The following CLVS1 variants were observed in gnomAD, a reference collection of about 807,000 sequenced individuals.
CLVS1 encodes the protein clavesin 1, also known as clavesin-1.
In CLVS1, 10 loss-of-function variants were observed where a neutral mutation model predicts 33.1. That is an observed-to-expected ratio of 0.30 (90% confidence interval 0.19 to 0.51). CLVS1 has a LOEUF of 0.51. Ranked by LOEUF, CLVS1 falls within the 20% of genes least tolerant of loss-of-function variation. CLVS1 has a pLI of 0.97. For synonymous variants in CLVS1, 163 were observed against 166.1 expected, an observed-to-expected ratio of 0.98 and a Z score of 0.14; for missense variants, 343 against 433.4, an observed-to-expected ratio of 0.79 and a Z score of 1.85.
intron 5 of CLVS1, among the ~76,000 whole-genome samples, chr8:61,472,954 G>C (rs745954647): frequency 2.0e-4 from 30 of 152,154 alleles, no homozygotes; most frequent in Non-Finnish European, 3.2e-4. Context: ...CTGAGTCTGT[G>C]GTCTATGAAG....
chr8:61,231,246 T>C (rs1808426297), intron 2 of CLVS1, among the ~76,000 whole-genome samples: 1 of 151,794 alleles, frequency 6.6e-6, no homozygotes, highest in Admixed American at 6.6e-5. Context: ...CACCCTCCAG[T>C]CTCTTCCTGC....
chr8:61,423,479 G>A (rs1343157560), intron 3 of CLVS1, among the ~76,000 whole-genome samples: 1 of 152,116 alleles, frequency 6.6e-6, no homozygotes, highest in Non-Finnish European at 1.5e-5. Context: ...CTTTCTACAG[G>A]GGACACCTGC....
chr8:61,469,678 C>T (rs977472139), intron 5 of CLVS1, among the ~76,000 whole-genome samples: 4 of 152,144 alleles, frequency 2.6e-5, no homozygotes, highest in Non-Finnish European at 5.9e-5. Flanking sequence ...TCATGAAATA[C>T]CATCTATATG....
At chr8:61,252,764 T>A (rs888382979) in intron 2 of CLVS1, among the ~76,000 whole-genome samples, 3 of 152,212 alleles carry the variant, frequency 2.0e-5, no homozygotes, top group Admixed American at 6.5e-5. Flanking sequence ...TTGCTTTCCA[T>A]TTGCTTGGTA....
At chr8:61,491,002 T>C (rs1176055253) in intron 5 of CLVS1, among the ~76,000 whole-genome samples, 1 of 151,988 alleles carries the variant, frequency 6.6e-6, no homozygotes, top group African/African-American at 2.4e-5. Context: ...GAAATTATTT[T>C]GACTCATGAA....
the CLVS1 span, among the ~76,000 whole-genome samples, chr8:60,998,739 C>T: frequency 1.3e-5 from 2 of 152,158 alleles, no homozygotes; most frequent in African/African-American, 2.4e-5. Context: ...CACAGCAAAG[C>T]AGTGTATTTG....
chr8:61,193,386 G>A (rs1462136755), intron 2 of CLVS1, among the ~76,000 whole-genome samples: 4 of 152,052 alleles, frequency 2.6e-5, no homozygotes, highest in Non-Finnish European at 5.9e-5. Context: ...GGGGAGAGGG[G>A]GAGGGATAGC....
the CLVS1 span, among the ~76,000 whole-genome samples, chr8:61,004,955 GACAAA>G: frequency 2.5e-5 from 3 of 120,414 alleles, no homozygotes; most frequent in African/African-American, 9.1e-5. Flanking sequence ...AACAAAACAA[GACAAA>G]ACAAAACAAA....
intron 2 of CLVS1, among the ~76,000 whole-genome samples, chr8:61,249,596 T>G (rs4400379): frequency 0.18 from 26,665 of 152,106 alleles, 4,786 homozygotes; most frequent in East Asian, 0.68. Flanking sequence ...TTTCCTGACT[T>G]TTTAATGATT....
At chr8:61,469,045 G>A (rs16927347) in intron 5 of CLVS1, among the ~76,000 whole-genome samples, 34,559 of 152,078 alleles carry the variant, frequency 0.23, 6,318 homozygotes, top group African/African-American at 0.51. Flanking sequence ...ATCATGCAGA[G>A]GTCTTCTAAT....
intron 2 of CLVS1, among the ~76,000 whole-genome samples, chr8:61,341,077 G>C (rs1812013846): frequency 6.6e-6 from 1 of 152,184 alleles, no homozygotes. Context: ...TAAAAGTATT[G>C]TCGATAAAAA....
chr8:61,113,870 A>G (rs1805671901), intron 1 of CLVS1, among the ~76,000 whole-genome samples: 1 of 150,704 alleles, frequency 6.6e-6, no homozygotes, highest in African/African-American at 2.4e-5. Context: ...GGCTCAGGCA[A>G]CCCTCCTCTT....
chr8:61,071,891 T>C (rs1804802833), intron 1 of CLVS1, among the ~76,000 whole-genome samples: 1 of 152,192 alleles, frequency 6.6e-6, no homozygotes, highest in Non-Finnish European at 1.5e-5. Flanking sequence ...TGGTTTCTGT[T>C]GTCAGTGCTT....
chr8:61,185,203 G>A (rs1807320326), intron 2 of CLVS1, among the ~76,000 whole-genome samples: 1 of 151,412 alleles, frequency 6.6e-6, no homozygotes, highest in Admixed American at 6.6e-5. Flanking sequence ...GAGTGCAGTG[G>A]CAGCGTTACG....
chr8:61,141,060 T>C (rs1806299286), intron 2 of CLVS1, among the ~76,000 whole-genome samples: 1 of 152,200 alleles, frequency 6.6e-6, no homozygotes, highest in South Asian at 2.1e-4. Flanking sequence ...TTTTATTATT[T>C]CACTTATCTG....
intron 1 of CLVS1, among the ~76,000 whole-genome samples, chr8:61,066,983 G>A (rs1459454028): frequency 2.0e-5 from 3 of 152,126 alleles, no homozygotes; most frequent in Admixed American, 2.0e-4. Flanking sequence ...AACACACACT[G>A]AGCACGTGCT....
chr8:61,210,327 C>T (rs887860764), intron 2 of CLVS1, among the ~76,000 whole-genome samples: 3 of 152,224 alleles, frequency 2.0e-5, no homozygotes, highest in Non-Finnish European at 4.4e-5. Context: ...ACAGCCCTCA[C>T]CGGACACTGA....
chr8:61,350,709 C>A lies in CLVS1; in HGVS notation c.456-25896C>A, dbSNP rs11987132. Reference sequence around the variant, plus strand: ...AAAGGTAAAGCGAAAATGAACAGAGCAATTATCATGTAGAGTAGAGGAAAT... The same window carrying A: ...AAAGGTAAAGCGAAAATGAACAGAGAAATTATCATGTAGAGTAGAGGAAAT... On this transcript the variant is annotated intron_variant, in intron 2 of 5. Coordinates refer to ENST00000325897, the MANE Select transcript of CLVS1 (RefSeq NM_173519.3). Among the ~76,000 whole-genome samples, 559 of 152,222 alleles carry A rather than the reference C, an allele frequency of 3.7e-3. 5 individuals carry two copies. Among genetic ancestry groups the A allele is most frequent in the African/African-American group, 0.013 (531 of 41,544 alleles).
chr8:61,089,378 G>A (rs569233780), intron 1 of CLVS1, among the ~76,000 whole-genome samples: 1 of 152,340 alleles, frequency 6.6e-6, no homozygotes, highest in South Asian at 2.1e-4. Context: ...AAATGGTGCT[G>A]TAGGTTCTGG....
Sources: allele counts gnomAD v4.1 joint callset (sites outside exome capture counted in the v4.1 genomes callset), GRCh38; gene constraint gnomAD v4.1.1; transcripts MANE v1.5; gene names NCBI Gene and HGNC (gene_info 2026-07-23, HGNC 2026-07-21).